Variants in FRK observed in about 807,000 individuals in gnomAD.
The protein encoded by FRK is fyn related Src family tyrosine kinase.
In FRK, 51 loss-of-function variants were observed where a neutral mutation model predicts 56.4. That is an observed-to-expected ratio of 0.90 (90% CI 0.72 to 1.14). The LOEUF (loss-of-function observed/expected upper bound fraction) is 1.14. Among genes scored for constraint, FRK ranks in the 50% most tolerant of loss-of-function variants. The pLI is 0.00. For synonymous variants in FRK, 245 were observed against 217.9 expected (o/e 1.12, Z -1.10); for missense variants, 570 against 601.4 (o/e 0.95, Z 0.55).
the FRK span, among the ~76,000 whole-genome samples, chr6:116,097,665 C>T: frequency 1.3e-5 from 2 of 152,126 alleles, no homozygotes; most frequent in Non-Finnish European, 2.9e-5. Context: ...AAATTTAATT[C>T]TAGAAAATCG....
chr6:116,057,607 T>C (rs972274247), intron 1 of FRK, among the ~76,000 whole-genome samples: 15 of 152,292 alleles, frequency 9.8e-5, no homozygotes, highest in African/African-American at 3.6e-4. Flanking sequence ...TGGCAGCATT[T>C]TCTGGGCATC....
chr6:116,046,979 G>A (rs1354068984), intron 1 of FRK, among the ~76,000 whole-genome samples: 1 of 151,462 alleles, frequency 6.6e-6, no homozygotes. Context: ...TCTACTGCCT[G>A]TATCTGTATT....
intron 1 of FRK, among the ~76,000 whole-genome samples, chr6:116,033,110 G>A (rs915679224): frequency 6.6e-6 from 1 of 152,012 alleles, no homozygotes; most frequent in Non-Finnish European, 1.5e-5. Context: ...AAGAAAGACT[G>A]TGTTCTCCAG....
At chr6:116,081,918 G>A in the FRK span, among the ~76,000 whole-genome samples, 9 of 151,986 alleles carry the variant, frequency 5.9e-5, no homozygotes, top group Admixed American at 4.6e-4. Context: ...GGAGGGGAGA[G>A]AATAATAATA....
chr6:116,090,852 T>C, the FRK span, among the ~76,000 whole-genome samples: 1 of 152,244 alleles, frequency 6.6e-6, no homozygotes, highest in African/African-American at 2.4e-5. Context: ...TTTATCCATA[T>C]TGTATTTCCA....
intron 1 of FRK, among the ~76,000 whole-genome samples, chr6:116,015,578 A>G (rs1775618658): frequency 6.6e-6 from 1 of 152,220 alleles, no homozygotes; most frequent in Non-Finnish European, 1.5e-5. Flanking sequence ...GCTCAGAAGA[A>G]GACAGGAATA....
intron 4 of FRK, among the ~76,000 whole-genome samples, chr6:115,967,161 TA>T (rs1436134917): frequency 6.6e-5 from 10 of 152,324 alleles, no homozygotes; most frequent in Non-Finnish European, 1.5e-4. Context: ...CATACAAAAT[TA>T]ATACTTTTAA....
chr6:115,969,835 C>T (rs1440641430), intron 2 of FRK, among the ~76,000 whole-genome samples: 1 of 152,180 alleles, frequency 6.6e-6, no homozygotes, highest in Non-Finnish European at 1.5e-5. Flanking sequence ...CCAAGCCTGG[C>T]TTTTCAGCTA....
At chr6:116,084,974 G>T in the FRK span, among the ~76,000 whole-genome samples, 3 of 152,164 alleles carry the variant, frequency 2.0e-5, no homozygotes, top group African/African-American at 7.2e-5. Context: ...GGCCTCTAAG[G>T]ATTGTTGGGG....
chr6:115,976,109 A>G (rs1207110657), intron 2 of FRK, among the ~76,000 whole-genome samples: 1 of 152,120 alleles, frequency 6.6e-6, no homozygotes, highest in Non-Finnish European at 1.5e-5. Flanking sequence ...TGTAATATAT[A>G]GTTGGTGACA....
At chr6:116,029,868 C>T (rs149665427) in intron 1 of FRK, among the ~76,000 whole-genome samples, 1 of 152,206 alleles carries the variant, frequency 6.6e-6, no homozygotes, top group East Asian at 1.9e-4. Context: ...GATATTGTGC[C>T]CTTAATCCCT....
At position 116,029,307 on chromosome 6, in the gene FRK, T is replaced by G. The variant is rs543901981; in HGVS notation, c.345-25309A>C. ...TTATTTTCTGCCTCCCCACTAGAAT[T>G]AAACAACTTGAGAATAGGGATTTTT... is the stretch of plus-strand genomic sequence containing the variant. On this transcript the variant is annotated intron_variant, in intron 1 of 7. Coordinates refer to ENST00000606080, the MANE Select transcript of FRK (RefSeq NM_002031.3). 1.2e-4 allele frequency among the ~76,000 whole-genome samples: 18 copies of G among 152,268 alleles called. No individual in the cohort carries two copies. The South Asian group carries it at 2.3e-3, about 19-fold the overall frequency.
intron 2 of FRK, among the ~76,000 whole-genome samples, chr6:115,978,895 T>G (rs895202623): frequency 1.3e-5 from 2 of 151,930 alleles, no homozygotes; most frequent in Non-Finnish European, 2.9e-5. Flanking sequence ...TTACAAAAAA[T>G]GAACAAAATT....
rs930381535 is a variant in FRK, at chr6:115,944,184, C to T, written c.1140+60G>A. ...AAAGAATAACAGTATATCTATTGGT[C>T]TACTAACTGTTAGACTTTTGACCTA... On this transcript the variant is annotated intron_variant, in intron 6 of 7. Coordinates refer to ENST00000606080, the MANE Select transcript of FRK (RefSeq NM_002031.3). 1.5e-5 allele frequency: 20 copies of T among 1,333,982 alleles called. No individual in the cohort carries two copies. In the East Asian group the frequency reaches 4.6e-4, roughly 31 times the overall value. 82.6% of individuals were successfully genotyped at this position (1,333,982 alleles called of 1,614,324 possible).
At chr6:116,093,101 A>G in the FRK span, among the ~76,000 whole-genome samples, 34 of 152,222 alleles carry the variant, frequency 2.2e-4, no homozygotes, top group Non-Finnish European at 2.9e-5. Flanking sequence ...TGAATCCACA[A>G]CTATGCAAAG....
chr6:116,075,480 A>AC, the FRK span, among the ~76,000 whole-genome samples: 4 of 151,606 alleles, frequency 2.6e-5, no homozygotes, highest in African/African-American at 9.7e-5. Flanking sequence ...AAAAAAAAAA[A>AC]AAACCTGGAA....
chr6:116,012,118 AT>A (rs1377528589), intron 1 of FRK, among the ~76,000 whole-genome samples: 3 of 152,134 alleles, frequency 2.0e-5, no homozygotes, highest in African/African-American at 7.2e-5. Flanking sequence ...AACATTAACA[AT>A]TTATATTTAC....
the FRK span, among the ~76,000 whole-genome samples, chr6:116,086,519 G>T: frequency 6.6e-6 from 1 of 152,160 alleles, no homozygotes; most frequent in Non-Finnish European, 1.5e-5. Context: ...CTTGGTGTGG[G>T]AAATGGTCTA....
chr6:116,041,986 A>G (rs7773423), intron 1 of FRK, among the ~76,000 whole-genome samples: 58,107 of 152,136 alleles, frequency 0.38, 12,273 homozygotes, highest in East Asian at 0.77. Context: ...CCAGCAAGCT[A>G]AGATCCACTG....
Sources: allele counts gnomAD v4.1 joint callset (sites outside exome capture counted in the v4.1 genomes callset), GRCh38; gene constraint gnomAD v4.1.1; transcripts MANE v1.5; gene names NCBI Gene and HGNC (gene_info 2026-07-23, HGNC 2026-07-21).